Variants in BSN observed in about 807,000 individuals in gnomAD.
BSN encodes the protein protein bassoon.
BSN carries 57 observed loss-of-function variants against 264.8 expected under a neutral mutation model. That is an observed-to-expected ratio of 0.22 (90% CI 0.17 to 0.27). The LOEUF (loss-of-function observed/expected upper bound fraction) is 0.27, where lower values mean the gene tolerates loss of function less well. Among genes scored for constraint, BSN ranks in the 10% least tolerant of loss-of-function variants. The pLI is 1.00. For missense variants in BSN, 4,615 were observed against 5,232.5 expected, an observed-to-expected ratio of 0.88 and a Z score of 3.64; for synonymous variants, 2,059 against 2,137.3, an observed-to-expected ratio of 0.96 and a Z score of 1.01.
In BSN at chr3:49,661,740, C is replaced by T. The variant is rs781137433; in HGVS notation, c.9895C>T (p.Arg3299Cys). The change falls in exon 6 of 12, where the codon CGC becomes TGC. Residue 3299 changes from arginine to cysteine, a missense_variant. Coordinates refer to ENST00000296452, the MANE Select transcript of BSN (RefSeq NM_003458.4). The part of the protein sequence containing the change: ...EESEEDSYDP[R>C]GKGGHLRSME... ...ATCTGAGGAGGACTCATACGATCCCCGCGGGAAGGGTGGCCACCTCCGGAG... is the reference window on the plus strand; with the variant it reads ...ATCTGAGGAGGACTCATACGATCCCTGCGGGAAGGGTGGCCACCTCCGGAG... The T allele has an allele frequency of 9.0e-5, 145 of 1,613,344 alleles. No homozygotes were observed. Among genetic ancestry groups the T allele is most frequent in the Middle Eastern group, 1.6e-4 (1 of 6,084 alleles).
At position 49,661,400 on chromosome 3, in the gene BSN, G is replaced by C; in HGVS notation, c.9555G>C (p.Val3185=). The C allele has an allele frequency of 6.2e-7, 1 of 1,613,940 alleles. No individual in the cohort carries two copies. Among genetic ancestry groups the C allele is most frequent in the South Asian group, 1.1e-5 (1 of 91,076 alleles). The change falls in exon 6 of 12, where the codon GTG becomes GTC. Residue 3185 remains valine, a synonymous_variant. Coordinates refer to ENST00000296452, the MANE Select transcript of BSN (RefSeq NM_003458.4). ...AAACCAGCTACAGTGGCCCAGCAGT[G>C]AGCAGCGGCTATGAGCAGGGCAAGG... ...PSETSYSGPA[V]SSGYEQGKVP...
chr3:49,656,655 A>G lies in BSN; in HGVS notation c.7099A>G (p.Lys2367Glu), dbSNP rs777937979. Residue 2367 changes from lysine to glutamate, a missense_variant, in exon 5 of 12, where the codon AAG (lysine) becomes GAG (glutamate). This residue lies in a region of BSN where 3,415 missense variants were observed against 3,866.4 expected (regional missense o/e 0.88). Coordinates refer to ENST00000296452, the MANE Select transcript of BSN (RefSeq NM_003458.4). The stretch of plus-strand genomic sequence containing the variant: ...AGCATCACAGGAGGAGAGGCAGCGG[A>G]AGCAACAGGAGCAGCTGCTCCAGCT... ...EEASQEERQR[K>E]QQEQLLQLER... The G allele has an allele frequency of 1.2e-6, 2 of 1,608,078 alleles. No individual in the cohort carries two copies. The highest frequency in any genetic ancestry group is 1.7e-5 in the Admixed American group (1 of 59,170).
At chr3:49,619,504 C>A (rs755710908) in intron 1 of BSN, among the ~76,000 whole-genome samples, 23 of 152,210 alleles carry the variant, frequency 1.5e-4, no homozygotes, top group Non-Finnish European at 2.4e-4. Flanking sequence ...CCACCATTTG[C>A]AAGTCATGAT....
chr3:49,643,220 T>C, intron 3 of BSN, 68 bp downstream of exon 3: 2 of 1,523,650 alleles, frequency 1.3e-6, no homozygotes, highest in Non-Finnish European at 8.8e-7. Flanking sequence ...GTGAGTGTCA[T>C]GGGAACCAGA....
In BSN at chr3:49,656,648, G is replaced by A. The variant is rs2052604673; in HGVS notation, c.7092G>A (p.Arg2364=). The change falls in exon 5 of 12, where the codon AGG becomes AGA. Residue 2364 remains arginine (R), a synonymous_variant. Coordinates refer to ENST00000296452, the MANE Select transcript of BSN (RefSeq NM_003458.4). ...FEKEEASQEE[R]QRKQQEQLLQ... is the part of the protein sequence containing the mutation. The stretch of plus-strand genomic sequence containing the variant: ...AAGAGGAAGCATCACAGGAGGAGAG[G>A]CAGCGGAAGCAACAGGAGCAGCTGC... 4.4e-6 allele frequency: 7 copies of A among 1,608,714 alleles called. No individual in the cohort carries two copies. Among genetic ancestry groups the A allele is most frequent in the Non-Finnish European group, 5.9e-6 (7 of 1,177,780 alleles).
intron 1 of BSN, among the ~76,000 whole-genome samples, chr3:49,596,129 A>G (rs1344216497): frequency 1.3e-5 from 2 of 152,002 alleles, no homozygotes; most frequent in Admixed American, 6.6e-5. Flanking sequence ...TGGCAGCTGG[A>G]TGTGGTGGCT....
chr3:49,569,025 C>A (rs897423169), intron 1 of BSN, among the ~76,000 whole-genome samples: 1 of 151,908 alleles, frequency 6.6e-6, no homozygotes, highest in Non-Finnish European at 1.5e-5. Context: ...GGAAATTGAG[C>A]CAGAAGGATT....
chr3:49,658,054 C>T lies in BSN; in HGVS notation c.8498C>T (p.Ala2833Val). The T allele has an allele frequency of 1.2e-6, 2 of 1,613,500 alleles. No homozygotes were observed. The highest frequency in any genetic ancestry group is 1.1e-5 in the South Asian group (1 of 91,082). ...CAGAAGCACTTCACGGCTGACAGCG[C>T]TCTCCGCCAGCAGACGCTGCCTCGC... is the stretch of plus-strand genomic sequence containing the variant. ...SPQKHFTADS[A>V]LRQQTLPRPM... Residue 2833 changes from alanine (A) to valine (V), a missense_variant, in exon 5 of 12, where the codon GCT becomes GTT. Physicochemically the swap from Ala to Val is moderately conservative, Grantham distance 64 (BLOSUM62 0). Coordinates refer to ENST00000296452, the MANE Select transcript of BSN (RefSeq NM_003458.4).
rs1379824318 is a variant in BSN, at chr3:49,663,585, C to G, written c.11427C>G (p.Gly3809=). Residue 3809 remains glycine (G), a synonymous_variant, in exon 7 of 12, where the codon GGC becomes GGG. Transcript: ENST00000296452. Reference sequence around the variant, plus strand: ...AACAGAGCCAGCCAACCACCCGGGGCTCAGCCCCTGCTGCCAGCCAGCCTG... The same window carrying G: ...AACAGAGCCAGCCAACCACCCGGGGGTCAGCCCCTGCTGCCAGCCAGCCTG... ...LQQQSQPTTR[G]SAPAASQPAG... 4 of 1,605,878 alleles carry G rather than the reference C, an allele frequency of 2.5e-6. No homozygotes were observed. Among genetic ancestry groups the G allele is most frequent in the African/African-American group, 1.3e-5 (1 of 74,878 alleles).
Position 49,662,324 on chromosome 3 carries a change from A to G in BSN, c.10479A>G (p.Val3493=). Residue 3493 remains valine (V), a synonymous_variant, in exon 6 of 12, where the codon GTA becomes GTG. Transcript: ENST00000296452. ...CCCTAAGTATGGCCCACAGCCGGGT[A>G]CGACCCCCCATGCGGAGCCAGGCCT... is the stretch of plus-strand genomic sequence containing the variant. The part of the protein sequence containing the change: ...PSSLSMAHSR[V]RPPMRSQASE... 1 of 1,613,608 alleles carries G rather than the reference A, an allele frequency of 6.2e-7. No homozygotes were observed. Among genetic ancestry groups the G allele is most frequent in the Non-Finnish European group, 8.5e-7 (1 of 1,179,806 alleles).
At chr3:49,648,264 T>C (rs910211953) in intron 3 of BSN, among the ~76,000 whole-genome samples, 1 of 152,174 alleles carries the variant, frequency 6.6e-6, no homozygotes, top group Non-Finnish European at 1.5e-5. Flanking sequence ...GGGTTAGGAG[T>C]TTGCCAGGCC....
intron 2 of BSN, among the ~76,000 whole-genome samples, chr3:49,635,846 C>T (rs1411307867): frequency 1.3e-5 from 2 of 151,760 alleles, no homozygotes; most frequent in African/African-American, 2.4e-5. Flanking sequence ...GGTGTGGTGG[C>T]GCCATGCCTG....
intron 1 of BSN, among the ~76,000 whole-genome samples, chr3:49,589,325 T>C (rs1368805342): frequency 6.6e-6 from 1 of 152,088 alleles, no homozygotes; most frequent in Non-Finnish European, 1.5e-5. Flanking sequence ...TTATAAAGTA[T>C]TGAAGTATCC....
chr3:49,606,098 CATATAAT>C (rs1301293533), intron 1 of BSN, among the ~76,000 whole-genome samples: 1 of 45,516 alleles, frequency 2.2e-5, no homozygotes, highest in African/African-American at 8.9e-5. Context: ...TTATATATAA[CATATAAT>C]ATATAATATA....
In BSN at chr3:49,655,312, C is replaced by T. The variant is rs750356978; in HGVS notation, c.5756C>T (p.Pro1919Leu). 1.6e-5 allele frequency: 25 copies of T among 1,611,054 alleles called. No individual in the cohort carries two copies. The highest frequency in any genetic ancestry group is 3.3e-4 in the Middle Eastern group (2 of 6,050). ...FGSSCTGTFH[P>L]APSVPEKSMA... is the part of the protein sequence containing the mutation. ...AGCAGCTGCACTGGCACCTTCCACC[C>T]GGCCCCCAGTGTGCCTGAGAAGAGC... Residue 1919 changes from proline to leucine, a missense_variant, in exon 5 of 12, where the codon CCG (proline) becomes CTG (leucine). Pro to Leu is a moderately conservative substitution (Grantham distance 98, BLOSUM62 -3). Around this residue, in one of 3 missense-constraint regions of BSN, gnomAD observed 3,415 missense variants for 3,866.4 expected, o/e 0.88. Coordinates refer to ENST00000296452, the MANE Select transcript of BSN (RefSeq NM_003458.4).
intron 1 of BSN, among the ~76,000 whole-genome samples, chr3:49,614,028 C>G (rs2052235595): frequency 6.6e-6 from 1 of 151,052 alleles, no homozygotes; most frequent in South Asian, 2.1e-4. Context: ...GTCACCGGCA[C>G]CATGGTGCAA....
Position 49,656,535 on chromosome 3 carries a change from G to A in BSN, c.6979G>A (p.Ala2327Thr), listed in dbSNP as rs1321816735. Residue 2327 changes from alanine (A) to threonine (T), a missense_variant, in exon 5 of 12, where the codon GCT becomes ACT. By Grantham distance (58) the Ala-to-Thr change is moderately conservative. Transcript: ENST00000296452. ...AAIKEAAGAP[A>T]PAPLAGQKPP... Reference sequence around the variant, plus strand: ...CATCAAGGAGGCTGCAGGAGCCCCAGCTCCTGCCCCACTAGCTGGCCAGAA... The same window carrying A: ...CATCAAGGAGGCTGCAGGAGCCCCAACTCCTGCCCCACTAGCTGGCCAGAA... 6.4e-7 allele frequency: 1 copy of A among 1,568,994 alleles called. No homozygotes were observed. The highest frequency in any genetic ancestry group is 8.6e-7 in the Non-Finnish European group (1 of 1,158,112).
At chr3:49,631,273 T>C (rs1290515447) in intron 2 of BSN, among the ~76,000 whole-genome samples, 3 of 149,088 alleles carry the variant, frequency 2.0e-5, no homozygotes, top group Non-Finnish European at 3.0e-5. Flanking sequence ...TTCCTGGGGG[T>C]AGTTGGGCAT....
In BSN at chr3:49,658,066, A is replaced by C. The variant is rs1232862001; in HGVS notation, c.8510A>C (p.Gln2837Pro). Residue 2837 changes from glutamine to proline, a missense_variant, in exon 5 of 12, where the codon CAG becomes CCG. Transcript: ENST00000296452. ...ACGGCTGACAGCGCTCTCCGCCAGC[A>C]GACGCTGCCTCGCCCCATGAAGACC... The part of the protein sequence containing the change: ...HFTADSALRQ[Q>P]TLPRPMKTLQ... 6.2e-7 allele frequency: 1 copy of C among 1,613,444 alleles called. No homozygotes were observed. The highest frequency in any genetic ancestry group is 2.2e-5 in the East Asian group (1 of 44,884).
Sources: gnomAD v4.1 joint callset for allele counts (sites outside exome capture counted in the v4.1 genomes callset) on GRCh38, gnomAD v4.1.1 for gene constraint, gnomAD v4.1.1 regional missense constraint, MANE v1.5 for transcripts, NCBI Gene and HGNC (gene_info 2026-07-23, HGNC 2026-07-21) for gene names.